Variants in WDFY4 observed in about 807,000 individuals in gnomAD.
WDFY4 encodes the protein WDFY family member 4.
In WDFY4, 169 loss-of-function variants were observed where a neutral mutation model predicts 351.9. The ratio of observed to expected loss-of-function variants is 0.48; its 90% CI spans 0.42 to 0.55. The LOEUF (loss-of-function observed/expected upper bound fraction) is 0.55, where lower values mean the gene tolerates loss of function less well. Among genes scored for constraint, WDFY4 ranks in the 20% least tolerant of loss-of-function variants. The pLI is 0.00. For synonymous variants in WDFY4, 1,622 were observed against 1,574.6 expected (o/e 1.03, Z -0.71); for missense variants, 3,803 against 3,935.6 (o/e 0.97, Z 0.90).
rs2064313947 is a variant in WDFY4 at position 48,727,656 on chromosome 10, T to A, written c.968T>A (p.Leu323His). The change falls in exon 7 of 62, where the codon CTT becomes CAT. Residue 323 changes from leucine to histidine, a missense_variant. Coordinates refer to ENST00000325239, the MANE Select transcript of WDFY4 (RefSeq NM_001394531.1). ...TATCCTCTGCTGCTCAAAGTGTTAC[T>A]TCGGTAAGTGGCTGTGTTTGGTACG... Reference protein sequence around the residue: ...EGYPLLLKVLLRYDGLTQSEV... With the variant: ...EGYPLLLKVLHRYDGLTQSEV... 6.4e-7 allele frequency: 1 copy of A among 1,551,960 alleles called. No individual in the cohort carries two copies. Among genetic ancestry groups the A allele is most frequent in the Non-Finnish European group, 8.7e-7 (1 of 1,147,008 alleles).
chr10:48,731,059 G>T, intron 8 of WDFY4, 51 bp from the exon 9 acceptor site: 1 of 1,461,618 alleles, frequency 6.8e-7, no homozygotes, highest in South Asian at 1.4e-5. Context: ...TCTATTTGTA[G>T]ACACAGGCAG....
intron 1 of WDFY4, among the ~76,000 whole-genome samples, chr10:48,700,939 T>G (rs2063462863): frequency 6.6e-6 from 1 of 152,246 alleles, no homozygotes; most frequent in Admixed American, 6.5e-5. Flanking sequence ...TAACATAAGA[T>G]TCACCATCGT....
Position 48,811,631 on chromosome 10 carries a change from C to T in WDFY4, c.5137C>T (p.His1713Tyr). Residue 1713 changes from histidine (H) to tyrosine (Y), a missense_variant, in exon 30 of 62, where the codon CAC becomes TAC. Transcript: ENST00000325239. ...VLNDFLAHHV[H>Y]IPEVYLIVST... ...GAATGACTTTCTGGCCCACCACGTCCACATTCCAGAGGTCTACCTCATCGT... is the reference window on the plus strand; with the variant it reads ...GAATGACTTTCTGGCCCACCACGTCTACATTCCAGAGGTCTACCTCATCGT... 3 of 1,551,952 alleles carry T rather than the reference C, an allele frequency of 1.9e-6. No individual in the cohort carries two copies. Among genetic ancestry groups the T allele is most frequent in the Non-Finnish European group, 2.6e-6 (3 of 1,147,066 alleles).
At chr10:48,760,134 T>A (rs577118164) in intron 12 of WDFY4, among the ~76,000 whole-genome samples, 242 of 152,334 alleles carry the variant, frequency 1.6e-3, no homozygotes, top group Non-Finnish European at 1.7e-3. Context: ...CACAAAAGCA[T>A]TCTTCTATGA....
intron 27 of WDFY4, 33 bp from the exon 28 acceptor site, chr10:48,807,826 C>T (rs1002573922): frequency 2.6e-6 from 4 of 1,542,980 alleles, no homozygotes; most frequent in Non-Finnish European, 3.5e-6. Context: ...TCTTTACATC[C>T]ATTTTCTCTC....
At chr10:48,800,995 A>T (rs970550501) in intron 24 of WDFY4, among the ~76,000 whole-genome samples, 19 of 152,038 alleles carry the variant, frequency 1.2e-4, no homozygotes, top group Middle Eastern at 3.4e-3. Flanking sequence ...GGCCTCCCAA[A>T]GTTCTGGGAT....
At chr10:48,739,596 TCTTTA>T (rs1273964539) in intron 11 of WDFY4, among the ~76,000 whole-genome samples, 2 of 152,246 alleles carry the variant, frequency 1.3e-5, no homozygotes, top group South Asian at 4.1e-4. Context: ...GATTTTGGAC[TCTTTA>T]CTTTATGACT....
rs1423899115 is a variant in WDFY4, at chr10:48,920,388, G to A, written c.7586+18525G>A. 2.0e-5 allele frequency among the ~76,000 whole-genome samples: 3 copies of A among 152,092 alleles called. No homozygotes were observed. The South Asian group carries it at 6.2e-4, about 32-fold the overall frequency. ...TTGTGGGGTGGGGGGAAGGGGGAGG[G>A]ATAGCATTAGGAGATATACCTAATG... is the stretch of plus-strand genomic sequence containing the variant. On this transcript the variant is annotated intron_variant, in intron 47 of 61. Coordinates refer to ENST00000325239, the MANE Select transcript of WDFY4 (RefSeq NM_001394531.1).
At chr10:48,926,769 T>C (rs779390957) in intron 47 of WDFY4, among the ~76,000 whole-genome samples, 29 of 152,154 alleles carry the variant, frequency 1.9e-4, no homozygotes, top group Non-Finnish European at 3.5e-4. Flanking sequence ...GCTTGGTAAT[T>C]GACAATGAAA....
intron 53 of WDFY4, 64 bp from the exon 54 acceptor site, chr10:48,963,778 G>C (rs1268261126): frequency 6.8e-7 from 1 of 1,479,196 alleles, no homozygotes; most frequent in Non-Finnish European, 9.2e-7. Flanking sequence ...CTTCCAATCT[G>C]TGCAGCGAGT....
intron 25 of WDFY4, among the ~76,000 whole-genome samples, chr10:48,804,043 T>C (rs891540896): frequency 6.6e-6 from 1 of 152,240 alleles, no homozygotes; most frequent in Admixed American, 6.5e-5. Context: ...GCTATTGGAC[T>C]GAGTCTCATT....
intron 2 of WDFY4, among the ~76,000 whole-genome samples, chr10:48,712,479 A>C (rs2063793074): frequency 6.6e-6 from 1 of 152,206 alleles, no homozygotes; most frequent in Non-Finnish European, 1.5e-5. Context: ...AGAATATTAT[A>C]GGCTTCTCAT....
chr10:48,872,993 T>C (rs1017766044), intron 40 of WDFY4, among the ~76,000 whole-genome samples: 1 of 152,182 alleles, frequency 6.6e-6, no homozygotes, highest in African/African-American at 2.4e-5. Context: ...CTCAAATCAA[T>C]CAGTTGTCTT....
intron 12 of WDFY4, chr10:48,745,568 A>C: frequency 2.1e-6 from 1 of 470,658 alleles, no homozygotes. Context: ...GCCTCTGTGT[A>C]TTTGTCAGTT....
chr10:48,972,099 A>G (rs1428363419), intron 57 of WDFY4, among the ~76,000 whole-genome samples: 3 of 152,128 alleles, frequency 2.0e-5, no homozygotes, highest in Non-Finnish European at 4.4e-5. Context: ...CTACTTCCAA[A>G]TCAACAGGAA....
chr10:48,973,791 C>T (rs189235542), intron 57 of WDFY4, among the ~76,000 whole-genome samples: 1 of 152,336 alleles, frequency 6.6e-6, no homozygotes, highest in East Asian at 1.9e-4. Context: ...AGAAGGCCTC[C>T]AGCCAGATCT....
At chr10:48,783,099 A>G (rs1428176696) in intron 19 of WDFY4, among the ~76,000 whole-genome samples, 1 of 152,182 alleles carries the variant, frequency 6.6e-6, no homozygotes, top group East Asian at 1.9e-4. Flanking sequence ...TATTTCTGAA[A>G]TTCTGTAAAC....
At chr10:48,975,324 G>T (rs1842520663) in intron 58 of WDFY4, among the ~76,000 whole-genome samples, 1 of 152,104 alleles carries the variant, frequency 6.6e-6, no homozygotes, top group Non-Finnish European at 1.5e-5. Flanking sequence ...TTTTAGGGAG[G>T]GTTTTGTTGG....
intron 47 of WDFY4, among the ~76,000 whole-genome samples, chr10:48,906,832 T>A (rs915622149): frequency 6.6e-5 from 10 of 152,268 alleles, no homozygotes; most frequent in Non-Finnish European, 1.3e-4. Context: ...TGTGGTCATG[T>A]GGAGTGAGTT....
Sources: gnomAD v4.1 joint callset for allele counts (sites outside exome capture counted in the v4.1 genomes callset) on GRCh38, gnomAD v4.1.1 for gene constraint, MANE v1.5 for transcripts, NCBI Gene and HGNC (gene_info 2026-07-23, HGNC 2026-07-21) for gene names.